HS6ST3: variants seen among roughly 807,000 people sequenced by gnomAD.
The protein encoded by HS6ST3 is heparan-sulfate 6-O-sulfotransferase 3.
A neutral mutation model predicts 36.7 loss-of-function variants in HS6ST3; 12 were observed. The ratio of observed to expected loss-of-function variants is 0.33; its 90% CI spans 0.21 to 0.53. The LOEUF is 0.53. Among genes scored for constraint, HS6ST3 ranks in the 20% least tolerant of loss-of-function variants. The pLI, the probability that HS6ST3 is intolerant of heterozygous loss-of-function variation, is 0.95. For missense variants in HS6ST3, 584 were observed against 640.9 expected (o/e 0.91, Z 0.96); for synonymous variants, 240 against 257.5 (o/e 0.93, Z 0.65).
intron 1 of HS6ST3, among the ~76,000 whole-genome samples, chr13:96,366,466 A>AATAAATAAATAAATAG (rs559684960): frequency 6.6e-6 from 1 of 151,932 alleles, no homozygotes; most frequent in African/African-American, 2.4e-5. Context: ...TAAATAAATA[A>AATAAATAAATAAATAG]ATAAATAAAA....
chr13:96,165,013 A>G (rs904283356), intron 1 of HS6ST3, among the ~76,000 whole-genome samples: 1 of 152,210 alleles, frequency 6.6e-6, no homozygotes, highest in Non-Finnish European at 1.5e-5. Context: ...TGAAATATTG[A>G]TTTCAGTTAA....
intron 1 of HS6ST3, among the ~76,000 whole-genome samples, chr13:96,531,841 G>A (rs529467284): frequency 8.5e-4 from 130 of 152,334 alleles, no homozygotes; most frequent in Middle Eastern, 3.4e-3. Flanking sequence ...AGTAATTCCT[G>A]CTGCCTCTCT....
intron 1 of HS6ST3, among the ~76,000 whole-genome samples, chr13:96,625,580 C>G (rs527617555): frequency 1.3e-5 from 2 of 152,134 alleles, no homozygotes; most frequent in South Asian, 4.2e-4. Flanking sequence ...TCAAATTACA[C>G]TTTAAATTAT....
chr13:96,259,146 A>G (rs144819633), intron 1 of HS6ST3, among the ~76,000 whole-genome samples: 84 of 151,630 alleles, frequency 5.5e-4, no homozygotes, highest in South Asian at 2.3e-3. Flanking sequence ...GTGTGTGTGT[A>G]TGTGTGTGTC....
rs373248878 is a variant in HS6ST3, at chr13:96,617,159, T to G, written c.708-215331T>G. On this transcript the variant is annotated intron_variant, in intron 1 of 1. Coordinates refer to ENST00000376705, the MANE Select transcript of HS6ST3 (RefSeq NM_153456.4). Reference sequence around the variant, plus strand: ...CCTTTCTCTAATAAAAGTCCATCATTATTATATTGAATCAGACTTAAATAC... The same window carrying G: ...CCTTTCTCTAATAAAAGTCCATCATGATTATATTGAATCAGACTTAAATAC... Among the ~76,000 whole-genome samples the G allele has an allele frequency of 7.9e-5, 12 of 152,320 alleles. No homozygotes were observed. The East Asian group carries it at 9.6e-4, about 12-fold the overall frequency.
intron 1 of HS6ST3, among the ~76,000 whole-genome samples, chr13:96,274,893 A>T (rs1023536962): frequency 3.0e-5 from 4 of 132,304 alleles, no homozygotes; most frequent in Non-Finnish European, 3.2e-5. Flanking sequence ...ACACACACAC[A>T]CTGAAGAATT....
chr13:96,625,347 C>T (rs1257663361), intron 1 of HS6ST3, among the ~76,000 whole-genome samples: 1 of 152,138 alleles, frequency 6.6e-6, no homozygotes, highest in Non-Finnish European at 1.5e-5. Context: ...TCCCCTACCT[C>T]ACATGTGTCC....
intron 1 of HS6ST3, among the ~76,000 whole-genome samples, chr13:96,233,107 G>A (rs1344708168): frequency 6.6e-6 from 1 of 152,092 alleles, no homozygotes; most frequent in Admixed American, 6.5e-5. Context: ...TACTGATTTT[G>A]TGTAAATAAT....
chr13:96,240,571 A>T (rs1054301246), intron 1 of HS6ST3, among the ~76,000 whole-genome samples: 3 of 152,346 alleles, frequency 2.0e-5, no homozygotes, highest in African/African-American at 7.2e-5. Context: ...AGGATAAAGG[A>T]AAGAGCCTGT....
intron 1 of HS6ST3, among the ~76,000 whole-genome samples, chr13:96,437,136 A>G (rs1247768755): frequency 6.6e-6 from 1 of 152,170 alleles, no homozygotes; most frequent in Non-Finnish European, 1.5e-5. Context: ...TTCCTATGCT[A>G]AACTCCTCTA....
At chr13:96,538,606 G>A (rs1472417724) in intron 1 of HS6ST3, among the ~76,000 whole-genome samples, 1 of 152,116 alleles carries the variant, frequency 6.6e-6, no homozygotes, top group Non-Finnish European at 1.5e-5. Flanking sequence ...ACCATGCCCG[G>A]CTAATTTTTG....
chr13:96,359,374 A>G (rs2055226096), intron 1 of HS6ST3, among the ~76,000 whole-genome samples: 2 of 152,168 alleles, frequency 1.3e-5, no homozygotes, highest in Admixed American at 1.3e-4. Flanking sequence ...TTGCTTTTAA[A>G]ATTATTGAAC....
At chr13:96,577,229 T>C (rs1206927796) in intron 1 of HS6ST3, among the ~76,000 whole-genome samples, 1 of 152,166 alleles carries the variant, frequency 6.6e-6, no homozygotes, top group East Asian at 1.9e-4. Flanking sequence ...TGTGTTCTCA[T>C]TGTTGAACTC....
At chr13:96,583,978 T>A (rs2056351721) in intron 1 of HS6ST3, among the ~76,000 whole-genome samples, 1 of 152,214 alleles carries the variant, frequency 6.6e-6, no homozygotes, top group Admixed American at 6.5e-5. Flanking sequence ...TATCACCAAA[T>A]GGCTTCAGGG....
At chr13:96,599,606 T>C (rs986956137) in intron 1 of HS6ST3, among the ~76,000 whole-genome samples, 20 of 151,886 alleles carry the variant, frequency 1.3e-4, no homozygotes, top group South Asian at 2.1e-4. Flanking sequence ...CATTGGTCCT[T>C]TGTATTTTTT....
chr13:96,421,023 T>C (rs2055559706), intron 1 of HS6ST3, among the ~76,000 whole-genome samples: 1 of 152,206 alleles, frequency 6.6e-6, no homozygotes, highest in Non-Finnish European at 1.5e-5. Flanking sequence ...TTACTCCCTG[T>C]GATGCTTTAT....
intron 1 of HS6ST3, among the ~76,000 whole-genome samples, chr13:96,529,646 CAA>C (rs1262782071): frequency 4.6e-5 from 7 of 152,114 alleles, no homozygotes; most frequent in Admixed American, 2.6e-4. Flanking sequence ...CCATTATTCT[CAA>C]GTTTGCCTAT....
intron 1 of HS6ST3, among the ~76,000 whole-genome samples, chr13:96,679,399 A>G (rs557819014): frequency 1.2e-4 from 18 of 152,006 alleles, no homozygotes; most frequent in African/African-American, 4.3e-4. Context: ...CCTCACCCCA[A>G]GAGACTGAGA....
At chr13:96,761,176 A>G (rs1198402774) in intron 1 of HS6ST3, among the ~76,000 whole-genome samples, 5 of 151,070 alleles carry the variant, frequency 3.3e-5, no homozygotes, top group Non-Finnish European at 5.9e-5. Context: ...GTGTACTGAC[A>G]CAATCTCGGC....
Sources: gnomAD v4.1 joint callset for allele counts (sites outside exome capture counted in the v4.1 genomes callset) on GRCh38, gnomAD v4.1.1 for gene constraint, MANE v1.5 for transcripts, NCBI Gene and HGNC (gene_info 2026-07-23, HGNC 2026-07-21) for gene names.